Variants in KLHL17 observed in about 807,000 individuals in gnomAD.
KLHL17 encodes kelch like family member 17.
KLHL17 carries 71 observed loss-of-function variants against 64.6 expected under a neutral mutation model. The observed-to-expected ratio is 1.10, with a 90% CI of 0.91 to 1.34. KLHL17 has a LOEUF of 1.34. KLHL17 is among the 40% of genes most tolerant of loss of function. The pLI is 0.00. For synonymous variants in KLHL17, 612 were observed against 405.4 expected (o/e 1.51, Z -6.12); for missense variants, 1,140 against 935.0 (o/e 1.22, Z -2.86).
rs968102968 is a variant in KLHL17 at position 961,382 on chromosome 1, G to A, written c.197G>A (p.Ser66Asn). 8.1e-6 allele frequency: 13 copies of A among 1,604,484 alleles called. 1 individual carries two copies. The highest frequency in any genetic ancestry group is 6.8e-5 in the Admixed American group (4 of 59,078). Residue 66 changes from serine (S) to asparagine (N), a missense_variant, in exon 2 of 12, where the codon AGC (serine) becomes AAC (asparagine). Transcript: ENST00000338591. ...AVQLLSREGH[S>N]VAHNSKRHYH... The stretch of plus-strand genomic sequence containing the variant: ...CAGCTGCTGAGCCGCGAGGGCCACA[G>A]CGTGGCCCACAACTCCAAGCGGCAC...
In KLHL17 at chr1:963,480, A is replaced by G; in HGVS notation, c.1331A>G (p.Tyr444Cys). 1 of 1,610,110 alleles carries G rather than the reference A, an allele frequency of 6.2e-7. No individual in the cohort carries two copies. Among genetic ancestry groups the G allele is most frequent in the East Asian group, 2.2e-5 (1 of 44,776 alleles). Residue 444 changes from tyrosine (Y) to cysteine (C), a missense_variant, in exon 8 of 12, where the codon TAT (tyrosine) becomes TGT (cysteine). Tyr to Cys is a radical substitution (Grantham distance 194). Transcript: ENST00000338591. ...LHGLLYSAGG[Y>C]DGASCLNSAE... ...GGACTCCTGTACTCGGCCGGCGGCT[A>G]TGACGGGGCCTCCTGCCTGAACAGG...
rs567011450 is a variant in KLHL17, at chr1:963,621, G to A, written c.1355+117G>A. On this transcript the variant is annotated intron_variant, in intron 8 of 11. Coordinates refer to ENST00000338591, the MANE Select transcript of KLHL17 (RefSeq NM_198317.3). ...GTTAAAGGAGGTGATCCGCGAGGCC[G>A]TTTCACCCCAGGCCACTGCCACACT... 21 of 1,232,730 alleles carry A rather than the reference G, an allele frequency of 1.7e-5. No individual in the cohort carries two copies. In the Admixed American group the frequency reaches 2.6e-4, roughly 15 times the overall value. The allele number at this position is 1,232,730 out of a possible 1,614,324, so 76.4% of individuals were successfully genotyped here.
In KLHL17 at chr1:960,744, C is replaced by T. The variant is rs1390411739; in HGVS notation, c.51C>T (p.His17=). Residue 17 remains histidine, a synonymous_variant, in exon 1 of 12, where the codon CAC becomes CAT. Coordinates refer to ENST00000338591, the MANE Select transcript of KLHL17 (RefSeq NM_198317.3). ...CCGGCAGGACGCAGAGCCCGGAGCACGGCAGCCCGGGGCCCGGGCCCGAGG... is the reference window on the plus strand; with the variant it reads ...CCGGCAGGACGCAGAGCCCGGAGCATGGCAGCCCGGGGCCCGGGCCCGAGG... ...RPAGRTQSPE[H]GSPGPGPEAP... 12 of 1,221,888 alleles carry T rather than the reference C, an allele frequency of 9.8e-6. No individual in the cohort carries two copies. Among genetic ancestry groups the T allele is most frequent in the Non-Finnish European group, 1.2e-5 (12 of 976,078 alleles). The allele number at this position is 1,221,888 out of a possible 1,614,324, so 75.7% of individuals were successfully genotyped here.
chr1:964,390 C>T lies in KLHL17; in HGVS notation c.1560C>T (p.Arg520=), dbSNP rs1264016105. The T allele has an allele frequency of 1.3e-6, 2 of 1,557,982 alleles. No individual in the cohort carries two copies. Among genetic ancestry groups the T allele is most frequent in the Non-Finnish European group, 8.7e-7 (1 of 1,151,934 alleles). ...WSPVASMLSR[R]SSAGVAVLEG... is the part of the protein sequence containing the mutation. ...CCGTGGCGTCCATGCTGAGCCGACGCAGCTCAGCGGGCGTGGCCGTGCTGG... is the reference window on the plus strand; with the variant it reads ...CCGTGGCGTCCATGCTGAGCCGACGTAGCTCAGCGGGCGTGGCCGTGCTGG... The change falls in exon 11 of 12, where the codon CGC becomes CGT. Residue 520 remains arginine (R), a synonymous_variant. Coordinates refer to ENST00000338591, the MANE Select transcript of KLHL17 (RefSeq NM_198317.3).
chr1:965,464 C>T lies in KLHL17; in HGVS notation c.*273C>T, dbSNP rs1408732993. The T allele has an allele frequency of 1.9e-5, 10 of 514,202 alleles. No homozygotes were observed. The highest frequency in any genetic ancestry group is 9.9e-5 in the East Asian group (3 of 30,216). The allele number at this position is 514,202 out of a possible 1,614,324, so 31.9% of individuals were successfully genotyped here. On this transcript the variant is annotated 3_prime_UTR_variant, in exon 12 of 12. Transcript: ENST00000338591. ...GGGAGTGACCAGGCGGGGGCCTCAC[C>T]GCCCCAGGGCCGTTGCCTGCTCAGA... is the stretch of plus-strand genomic sequence containing the variant.
At chr1:961,057 C>A (rs2100411128) in intron 1 of KLHL17, 1 of 196,428 alleles carries the variant, frequency 5.1e-6, no homozygotes, top group East Asian at 1.9e-4. Context: ...GGAAGCGGGG[C>A]CGGACGCGGG....
Position 965,445 on chromosome 1 carries a change from G to C in KLHL17, c.*254G>C. On this transcript the variant is annotated 3_prime_UTR_variant, in exon 12 of 12. Transcript: ENST00000338591. ...TGCCTGCATGGGGGGCGCGGGGAGT[G>C]ACCAGGCGGGGGCCTCACCGCCCCA... is the stretch of plus-strand genomic sequence containing the variant. 1 of 553,918 alleles carries C rather than the reference G, an allele frequency of 1.8e-6. No homozygotes were observed. Among genetic ancestry groups the C allele is most frequent in the South Asian group, 2.3e-5 (1 of 43,492 alleles). 34.3% of individuals were successfully genotyped at this position (553,918 alleles called of 1,614,324 possible).
At position 961,552 on chromosome 1, in the gene KLHL17, A is replaced by T. The variant is rs766883571; in HGVS notation, c.367A>T (p.Asn123Tyr). 6.2e-7 allele frequency: 1 copy of T among 1,612,612 alleles called. No homozygotes were observed. Among genetic ancestry groups the T allele is most frequent in the Non-Finnish European group, 8.5e-7 (1 of 1,179,956 alleles). Residue 123 changes from asparagine to tyrosine, a missense_variant and splice_region_variant, in exon 2 of 12, where the codon AAT (asparagine) becomes TAT (tyrosine). Physicochemically the swap from Asn to Tyr is moderately radical, Grantham distance 143. Coordinates refer to ENST00000338591, the MANE Select transcript of KLHL17 (RefSeq NM_198317.3). ...CSPYFHAMFT[N>Y]EMSESRQTHV... is the part of the protein sequence containing the mutation. ...CCCCTACTTCCACGCCATGTTCACA[A>T]GCAAGTACCCGCCTGGGCGGCGCTG... is the stretch of plus-strand genomic sequence containing the variant.
At position 960,672 on chromosome 1, in the gene KLHL17, C is replaced by A; in HGVS notation, c.-22C>A. The A allele has an allele frequency of 1.5e-6, 2 of 1,359,332 alleles. No individual in the cohort carries two copies. The highest frequency in any genetic ancestry group is 1.5e-5 in the South Asian group (1 of 68,216). 84.2% of individuals were successfully genotyped at this position (1,359,332 alleles called of 1,614,324 possible). A position where few individuals can be genotyped will look rare whatever the true frequency, so the allele number is the denominator to read the frequency against. ...TTAAGCCCGCGGGTCCTCCGCGAAT[C>A]GGCGGTGGGTCCGGCAGCCGAATGC... On this transcript the variant is annotated 5_prime_UTR_variant, in exon 1 of 12. Coordinates refer to ENST00000338591, the MANE Select transcript of KLHL17 (RefSeq NM_198317.3).
At chr1:964,070 C>T in intron 9 of KLHL17, 37 bp from the exon 10 acceptor site, 1 of 1,612,556 alleles carries the variant, frequency 6.2e-7, no homozygotes, top group Middle Eastern at 1.6e-4. Context: ...GACCCCACTC[C>T]CAGCAGGAGT....
chr1:961,676 G>A lies in KLHL17; in HGVS notation c.415G>A (p.Asp139Asn), dbSNP rs1194894103. Residue 139 changes from aspartate to asparagine, a missense_variant, in exon 3 of 12, where the codon GAC becomes AAC. Asp to Asn is a conservative substitution (Grantham distance 23). Transcript: ENST00000338591. The stretch of plus-strand genomic sequence containing the variant: ...GACCCACGTGACGCTGCACGACATC[G>A]ACCCTCAGGCCTTGGACCAGCTGGT... ...RQTHVTLHDI[D>N]PQALDQLVQF... 7 of 1,612,508 alleles carry A rather than the reference G, an allele frequency of 4.3e-6. No individual in the cohort carries two copies. The highest frequency in any genetic ancestry group is 5.1e-6 in the Non-Finnish European group (6 of 1,179,638).
chr1:964,826 C>A (rs1186555064), intron 11 of KLHL17, 137 bp from the exon 12 acceptor site: 8 of 718,970 alleles, frequency 1.1e-5, no homozygotes, highest in Non-Finnish European at 1.8e-5. Context: ...GGGCGCGGGT[C>A]CGCAGTGGGG....
Position 965,399 on chromosome 1 carries a change from C to CCTGCGTGTCCTCCCCTCCA in KLHL17, c.*213_*231dup, listed in dbSNP as rs1642908975. ...GTTTACACCTTTAGCGTCTGGTCCT[C>CCTGCGTGTCCTCCCCTCCA]CTGCGTGTCCTCCCCTCCACTGCCT... is the stretch of plus-strand genomic sequence containing the variant. On this transcript the variant is annotated 3_prime_UTR_variant, in exon 12 of 12. Coordinates refer to ENST00000338591, the MANE Select transcript of KLHL17 (RefSeq NM_198317.3). 2 of 591,284 alleles carry CCTGCGTGTCCTCCCCTCCA rather than the reference C, an allele frequency of 3.4e-6. No individual in the cohort carries two copies. Among genetic ancestry groups the CCTGCGTGTCCTCCCCTCCA allele is most frequent in the Admixed American group, 3.1e-5 (1 of 31,838 alleles). 36.6% of individuals were successfully genotyped at this position (591,284 alleles called of 1,614,324 possible). A position where few individuals can be genotyped will look rare whatever the true frequency, so the allele number is the denominator to read the frequency against.
chr1:965,128 G>T lies in KLHL17; in HGVS notation c.1866G>T (p.Leu622=), dbSNP rs367975128. The change falls in exon 12 of 12, where the codon CTG becomes CTT. Residue 622 remains leucine, a synonymous_variant. Coordinates refer to ENST00000338591, the MANE Select transcript of KLHL17 (RefSeq NM_198317.3). ...TRRSSVGVAV[L]ELLNFPPPSS... is the part of the protein sequence containing the mutation. ...GCAGCAGTGTGGGTGTGGCGGTGCT[G>T]GAGCTGCTCAATTTCCCGCCGCCAT... is the stretch of plus-strand genomic sequence containing the variant. The T allele has an allele frequency of 1.2e-6, 2 of 1,612,566 alleles. No homozygotes were observed. The highest frequency in any genetic ancestry group is 1.7e-6 in the Non-Finnish European group (2 of 1,179,854).
At position 965,655 on chromosome 1, in the gene KLHL17, C is replaced by T. The variant is rs116837742; in HGVS notation, c.*464C>T. The stretch of plus-strand genomic sequence containing the variant: ...CTGGATCTTGTAGTGGGTGCACACG[C>T]GTGCACTGGGACCCCACACAGCAAT... On this transcript the variant is annotated 3_prime_UTR_variant, in exon 12 of 12. Coordinates refer to ENST00000338591, the MANE Select transcript of KLHL17 (RefSeq NM_198317.3). 1,189 of 172,884 alleles carry T rather than the reference C, an allele frequency of 6.9e-3. 19 individuals carry two copies. Among genetic ancestry groups the T allele is most frequent in the African/African-American group, 0.027 (1,139 of 41,896 alleles). The allele number at this position is 172,884 out of a possible 1,614,324, so 10.7% of individuals were successfully genotyped here.
In KLHL17 at chr1:965,244, G is replaced by A; in HGVS notation, c.*53G>A. On this transcript the variant is annotated 3_prime_UTR_variant, in exon 12 of 12. Transcript: ENST00000338591. ...TCCCACATGCCTTAAGGGGACCGTGGCCCCCACCAGGGACGTCCTGCGCCA... is the reference window on the plus strand; with the variant it reads ...TCCCACATGCCTTAAGGGGACCGTGACCCCCACCAGGGACGTCCTGCGCCA... The A allele has an allele frequency of 6.7e-7, 1 of 1,502,236 alleles. No homozygotes were observed. Among genetic ancestry groups the A allele is most frequent in the South Asian group, 1.2e-5 (1 of 86,526 alleles). The allele number at this position is 1,502,236 out of a possible 1,614,324, so 93.1% of individuals were successfully genotyped here. A position where few individuals can be genotyped will look rare whatever the true frequency, so the allele number is the denominator to read the frequency against.
Position 961,735 on chromosome 1 carries a change from C to G in KLHL17, c.474C>G (p.Gly158=). 1 of 1,611,702 alleles carries G rather than the reference C, an allele frequency of 6.2e-7. No individual in the cohort carries two copies. The highest frequency in any genetic ancestry group is 8.5e-7 in the Non-Finnish European group (1 of 1,179,362). ...CCTACACGGCTGAGATTGTGGTGGGCGAGGGCAATGTGCAGGTGAGGGCTC... is the reference window on the plus strand; with the variant it reads ...CCTACACGGCTGAGATTGTGGTGGGGGAGGGCAATGTGCAGGTGAGGGCTC... ...QFAYTAEIVV[G]EGNVQTLLPA... is the part of the protein sequence containing the mutation. Residue 158 remains glycine, a synonymous_variant, in exon 3 of 12, where the codon GGC becomes GGG. Transcript: ENST00000338591.
chr1:964,564 G>C, intron 11 of KLHL17, 34 bp downstream of exon 11: 1 of 1,460,304 alleles, frequency 6.8e-7, no homozygotes, highest in Non-Finnish European at 9.1e-7. Flanking sequence ...GGGGGCGCGG[G>C]TCCGCAGTGG....
chr1:963,739 C>T, intron 8 of KLHL17, 181 bp from the exon 9 acceptor site: 1 of 851,682 alleles, frequency 1.2e-6, no homozygotes, highest in Non-Finnish European at 1.8e-6. Flanking sequence ...GGGTGTGCAC[C>T]CAGGGTTGTT....
Sources: allele counts gnomAD v4.1 joint callset, GRCh38; gene constraint gnomAD v4.1.1; transcripts MANE v1.5; gene names NCBI Gene and HGNC (gene_info 2026-07-23, HGNC 2026-07-21).